Variants in NXPE1 observed in about 807,000 individuals in gnomAD.
NXPE1 encodes the protein neurexophilin and PC-esterase domain family member 1.
In NXPE1, 31 loss-of-function variants were observed where a neutral mutation model predicts 33.3. That is an observed-to-expected ratio of 0.93 (90% confidence interval 0.70 to 1.26). NXPE1 has a LOEUF of 1.26. Ranked by LOEUF, NXPE1 falls within the 50% of genes most tolerant of loss-of-function variation. NXPE1 has a pLI of 0.00. For missense variants in NXPE1, 661 were observed against 655.6 expected (o/e 1.01, Z -0.09); for synonymous variants, 229 against 231.4 (o/e 0.99, Z 0.09).
intron 5 of NXPE1, among the ~76,000 whole-genome samples, chr11:114,534,495 G>A (rs997681990): frequency 8.5e-5 from 13 of 152,158 alleles, no homozygotes; most frequent in African/African-American, 3.1e-4. Flanking sequence ...CTGAGCTAAA[G>A]GAGGAAGTTC....
chr11:114,548,308 A>G (rs1375167715), intron 5 of NXPE1, among the ~76,000 whole-genome samples: 5 of 152,150 alleles, frequency 3.3e-5, no homozygotes, highest in Non-Finnish European at 7.4e-5. Flanking sequence ...AGAACTAATA[A>G]CCATAAAGAC....
chr11:114,530,248 C>T (rs1265167164), exon 6 of NXPE1: 1 of 1,613,964 alleles, frequency 6.2e-7, no homozygotes. Flanking sequence ...TAGGTCAGAG[C>T]CTCACAGGGC....
At chr11:114,542,192 CTTTTT>C (rs558264534) in intron 5 of NXPE1, among the ~76,000 whole-genome samples, 244 of 152,070 alleles carry the variant, frequency 1.6e-3, no homozygotes, top group African/African-American at 5.5e-3. Flanking sequence ...ATTTTCTTTA[CTTTTT>C]AACATCAATA....
intron 5 of NXPE1, among the ~76,000 whole-genome samples, chr11:114,537,491 G>T (rs1315246951): frequency 6.6e-6 from 1 of 152,162 alleles, no homozygotes; most frequent in African/African-American, 2.4e-5. Context: ...AAGTCAGATT[G>T]TCCCTGTTTG....
intron 5 of NXPE1, among the ~76,000 whole-genome samples, chr11:114,537,247 C>T (rs1565306520): frequency 1.3e-5 from 2 of 152,192 alleles, no homozygotes; most frequent in Non-Finnish European, 2.9e-5. Context: ...ATGCTAAAAA[C>T]TCTCAATAAA....
chr11:114,527,204 T>G (rs1947396154), intron 7 of NXPE1: 1 of 152,518 alleles, frequency 6.6e-6, no homozygotes, highest in Non-Finnish European at 1.5e-5. Flanking sequence ...CAAACCTTGT[T>G]ATGACATCAG....
At chr11:114,524,800 T>C (rs1434187988) in intron 7 of NXPE1, among the ~76,000 whole-genome samples, 3 of 152,206 alleles carry the variant, frequency 2.0e-5, no homozygotes, top group African/African-American at 7.2e-5. Context: ...AATTTGCTTA[T>C]GATTACTCTT....
intron 6 of NXPE1, 76 bp from the exon 7 acceptor site, chr11:114,527,977 T>G: frequency 9.1e-7 from 1 of 1,100,682 alleles, no homozygotes. Flanking sequence ...TGCTTGTGAG[T>G]GAAGGAAAAT....
chr11:114,534,935 A>G (rs139714480), intron 5 of NXPE1, among the ~76,000 whole-genome samples: 2 of 152,312 alleles, frequency 1.3e-5, no homozygotes, highest in Non-Finnish European at 2.9e-5. Context: ...AGAGAACGCC[A>G]CTAAGATACT....
At chr11:114,548,342 C>T (rs1398809396) in intron 5 of NXPE1, among the ~76,000 whole-genome samples, 1 of 151,918 alleles carries the variant, frequency 6.6e-6, no homozygotes, top group Non-Finnish European at 1.5e-5. Flanking sequence ...ATATACTGAA[C>T]TCTGAATTCT....
At chr11:114,551,157 G>C in exon 5 of NXPE1, 1 of 1,535,122 alleles carries the variant, frequency 6.5e-7, no homozygotes, top group African/African-American at 1.4e-5. Flanking sequence ...CTGAAAAAGA[G>C]ATCAAGATCA....
At chr11:114,541,299 C>G (rs1246247612) in intron 5 of NXPE1, among the ~76,000 whole-genome samples, 1 of 152,002 alleles carries the variant, frequency 6.6e-6, no homozygotes, top group Non-Finnish European at 1.5e-5. Flanking sequence ...GGAAGCCAAC[C>G]CTGAGATAAC....
intron 6 of NXPE1, chr11:114,529,961 C>A (rs146813233): frequency 7.9e-6 from 4 of 507,780 alleles, no homozygotes; most frequent in African/African-American, 7.6e-5. Flanking sequence ...CATAGAAGAA[C>A]GGTTATAGCA....
At chr11:114,546,551 C>T (rs1199038395) in intron 5 of NXPE1, among the ~76,000 whole-genome samples, 1 of 151,320 alleles carries the variant, frequency 6.6e-6, no homozygotes, top group African/African-American at 2.4e-5. Context: ...ATCCTCCCAT[C>T]TCACCCTCCC....
chr11:114,531,917 G>A (rs1413625491), intron 5 of NXPE1, among the ~76,000 whole-genome samples: 1 of 152,136 alleles, frequency 6.6e-6, no homozygotes, highest in Non-Finnish European at 1.5e-5. Flanking sequence ...CACCGGCCAA[G>A]CTTTTTTAAA....
exon 6 of NXPE1, chr11:114,530,564 C>T: frequency 6.2e-7 from 1 of 1,613,996 alleles, no homozygotes; most frequent in Non-Finnish European, 8.5e-7. Context: ...CACCTGCCGT[C>T]AGTGCTGGGG....
chr11:114,556,245 G>A (rs557538272), intron 1 of NXPE1, among the ~76,000 whole-genome samples: 8 of 152,244 alleles, frequency 5.3e-5, no homozygotes, highest in African/African-American at 1.9e-4. Flanking sequence ...TGAAAAGCCT[G>A]GGCTTTTTAC....
At chr11:114,524,510 A>G (rs1033240473) in intron 7 of NXPE1, among the ~76,000 whole-genome samples, 11 of 152,162 alleles carry the variant, frequency 7.2e-5, no homozygotes, top group Admixed American at 1.3e-4. Context: ...AGTCCTGGTG[A>G]TTTGGCTTAC....
intron 7 of NXPE1, among the ~76,000 whole-genome samples, chr11:114,525,453 C>A (rs1591255403): frequency 6.6e-6 from 1 of 152,088 alleles, no homozygotes; most frequent in African/African-American, 2.4e-5. Context: ...TCTGATGAGG[C>A]TTTGGTAGCA....
Sources: allele counts gnomAD v4.1 joint callset (sites outside exome capture counted in the v4.1 genomes callset), GRCh38; gene constraint gnomAD v4.1.1; transcripts MANE v1.5; gene names NCBI Gene and HGNC (gene_info 2026-07-23, HGNC 2026-07-21).